Variants in C17orf99 observed in about 807,000 individuals in gnomAD.
C17orf99 encodes the protein protein IL-40.
In C17orf99, 18 loss-of-function variants were observed where a neutral mutation model predicts 22.6. The ratio of observed to expected loss-of-function variants is 0.80; its 90% CI spans 0.55 to 1.18. The LOEUF is 1.18. Among genes scored for constraint, C17orf99 ranks in the 50% most tolerant of loss-of-function variants. C17orf99 has a pLI of 0.00. For synonymous variants in C17orf99, 147 were observed against 136.6 expected (o/e 1.08, Z -0.53); for missense variants, 328 against 342.7 (o/e 0.96, Z 0.34).
intron 4 of C17orf99, chr17:78,164,602 G>C: frequency 6.6e-7 from 1 of 1,520,596 alleles, no homozygotes; most frequent in Non-Finnish European, 8.8e-7. Flanking sequence ...GTGCTGGTTG[G>C]CAGCCTTGCC....
At chr17:78,147,385 C>G (rs2145765686) in intron 2 of C17orf99, among the ~76,000 whole-genome samples, 1 of 152,284 alleles carries the variant, frequency 6.6e-6, no homozygotes, top group Middle Eastern at 3.4e-3. Context: ...AAGGCTCCCC[C>G]AGGGGCCTGA....
In C17orf99 at chr17:78,146,985, G is replaced by A; in HGVS notation, c.70+74G>A. 6 of 1,372,326 alleles carry A rather than the reference G, an allele frequency of 4.4e-6. No individual in the cohort carries two copies. Among genetic ancestry groups the A allele is most frequent in the Admixed American group, 2.0e-5 (1 of 50,718 alleles). 85.0% of individuals were successfully genotyped at this position (1,372,326 alleles called of 1,614,324 possible). A position where few individuals can be genotyped will look rare whatever the true frequency, so the allele number is the denominator to read the frequency against. ...GGTGTCAGAACCCCCATGGTGGAGG[G>A]CGCCTCGGCTGGGAAGGGAGTTACT... On this transcript the variant is annotated intron_variant, in intron 2 of 4. Transcript: ENST00000340363. This position sits in a 1 kb window ranked among gnomAD's most constrained non-coding sequence, Gnocchi z 5.2.
Position 78,160,941 on chromosome 17 carries a change from T to C in C17orf99, c.71-14T>C, listed in dbSNP as rs1214983321. ...CGGTTTCTTTCTTCCTCCTTGGACC[T>C]TTTCATCTCCCAGAAATTACCCCTG... On this transcript the variant is annotated splice_polypyrimidine_tract_variant and intron_variant, in intron 2 of 4. Coordinates refer to ENST00000340363, the MANE Select transcript of C17orf99 (RefSeq NM_001163075.2). 6.5e-7 allele frequency: 1 copy of C among 1,544,258 alleles called. No individual in the cohort carries two copies. The highest frequency in any genetic ancestry group is 1.4e-5 in the African/African-American group (1 of 72,912).
At chr17:78,150,525 G>T (rs2075473765) in intron 2 of C17orf99, among the ~76,000 whole-genome samples, 1 of 152,194 alleles carries the variant, frequency 6.6e-6, no homozygotes, top group Non-Finnish European at 1.5e-5. Flanking sequence ...AGGAGGGATA[G>T]GTGTTGGTAG....
At position 78,146,743 on chromosome 17, in the gene C17orf99, C is replaced by T; in HGVS notation, c.38-136C>T. On this transcript the variant is annotated intron_variant, in intron 1 of 4. Transcript: ENST00000340363. This position sits in a 1 kb window ranked among gnomAD's most constrained non-coding sequence, Gnocchi z 5.2. ...AAAAGAGCTTTTGTGAGTGATGGTG[C>T]CAGCTGAGTCCTGGGGCCTCACTAC... 2.4e-6 allele frequency: 2 copies of T among 824,686 alleles called. No individual in the cohort carries two copies. The highest frequency in any genetic ancestry group is 3.2e-5 in the South Asian group (2 of 62,160). 51.1% of individuals were successfully genotyped at this position (824,686 alleles called of 1,614,324 possible). A position where few individuals can be genotyped will look rare whatever the true frequency, so the allele number is the denominator to read the frequency against.
chr17:78,166,021 G>C lies in C17orf99; in HGVS notation c.773G>C (p.Arg258Thr), dbSNP rs886600615. The change falls in exon 5 of 5, where the codon AGA (arginine) becomes ACA (threonine). Residue 258 changes from arginine to threonine, a missense_variant. Arg to Thr is a moderately conservative substitution (Grantham distance 71). Coordinates refer to ENST00000340363, the MANE Select transcript of C17orf99 (RefSeq NM_001163075.2). ...TTCAGGATAGGGAATGGGGAGGTCA[G>C]AGGACGCAAAGCAGCAGCCATGTAG... Reference protein sequence around the residue: ...GGFRIGNGEVRGRKAAAM With the variant: ...GGFRIGNGEVTGRKAAAM The C allele has an allele frequency of 1.5e-5, 21 of 1,429,746 alleles. No individual in the cohort carries two copies. In the Admixed American group the frequency reaches 5.0e-4, roughly 34 times the overall value. The allele number at this position is 1,429,746 out of a possible 1,614,324, so 88.6% of individuals were successfully genotyped here.
chr17:78,156,487 G>A (rs1020546778), intron 2 of C17orf99, among the ~76,000 whole-genome samples: 2 of 152,070 alleles, frequency 1.3e-5, no homozygotes, highest in African/African-American at 2.4e-5. Context: ...GGCGTAGGTG[G>A]GTGAAGGCCT....
At chr17:78,146,026 G>A (rs184951990), upstream of C17orf99, among the ~76,000 whole-genome samples, 14 of 152,260 alleles carry the variant, frequency 9.2e-5, no homozygotes, top group Admixed American at 2.6e-4. The surrounding 1 kb of genome is among the most constrained non-coding windows in gnomAD (Gnocchi z 5.2). Context: ...GACCTCAGGT[G>A]ATCCGCCCAT....
Position 78,165,921 on chromosome 17 carries a change from C to G in C17orf99, c.673C>G (p.Pro225Ala). 7.0e-7 allele frequency: 1 copy of G among 1,422,904 alleles called. No individual in the cohort carries two copies. Among genetic ancestry groups the G allele is most frequent in the South Asian group, 1.6e-5 (1 of 62,100 alleles). The allele number at this position is 1,422,904 out of a possible 1,614,324, so 88.1% of individuals were successfully genotyped here. ...CCAGAAGATGGAGGACTGGCAGGGTCCCCTGGAGAGCCCCATCCTTGCCTT... is the reference window on the plus strand; with the variant it reads ...CCAGAAGATGGAGGACTGGCAGGGTGCCCTGGAGAGCCCCATCCTTGCCTT... ...GDQKMEDWQG[P>A]LESPILALPL... The change falls in exon 5 of 5, where the codon CCC (proline) becomes GCC (alanine). Residue 225 changes from proline to alanine, a missense_variant. Pro to Ala is a conservative substitution (Grantham distance 27). Transcript: ENST00000340363.
At chr17:78,145,972 G>C (rs1258916155), upstream of C17orf99, among the ~76,000 whole-genome samples, 1 of 151,996 alleles carries the variant, frequency 6.6e-6, no homozygotes, top group Admixed American at 6.6e-5. Flanking sequence ...ATTTTTAGTA[G>C]AGATGGAGTT....
Position 78,161,844 on chromosome 17 carries a change from A to C in C17orf99, c.370+590A>C, listed in dbSNP as rs529534866. Among the ~76,000 whole-genome samples the C allele has an allele frequency of 2.0e-5, 3 of 150,484 alleles. No homozygotes were observed. In the East Asian group the frequency reaches 5.8e-4, roughly 29 times the overall value. ...GGGTAACAGAGCGTCTCCAAAAAAAAAAAAAAGAAAAAGAAACGAAAAAAA... is the reference window on the plus strand; with the variant it reads ...GGGTAACAGAGCGTCTCCAAAAAAACAAAAAAGAAAAAGAAACGAAAAAAA... On this transcript the variant is annotated intron_variant, in intron 3 of 4. Coordinates refer to ENST00000340363, the MANE Select transcript of C17orf99 (RefSeq NM_001163075.2).
rs540561366 is a variant in C17orf99, at chr17:78,160,741, G to A, written c.71-214G>A. 1.5e-4 allele frequency: 83 copies of A among 557,156 alleles called. 1 individual carries two copies. The East Asian group carries it at 1.6e-3, about 11-fold the overall frequency. The allele number at this position is 557,156 out of a possible 1,614,324, so 34.5% of individuals were successfully genotyped here. ...AGGGATTACAGGTGGGCACCACCAC[G>A]CCCGGCTAATTTTTGTATTTTAGTA... On this transcript the variant is annotated intron_variant, in intron 2 of 4. Transcript: ENST00000340363.
intron 3 of C17orf99, 131 bp from the exon 4 acceptor site, chr17:78,163,964 A>G (rs2075597469): frequency 2.6e-6 from 2 of 770,214 alleles, no homozygotes; most frequent in African/African-American, 1.7e-5. Flanking sequence ...GGCAAACTCT[A>G]GAAGGCGGCC....
intron 2 of C17orf99, among the ~76,000 whole-genome samples, chr17:78,154,547 CA>C (rs1191146798): frequency 6.8e-6 from 1 of 147,474 alleles, no homozygotes; most frequent in Non-Finnish European, 1.5e-5. Context: ...GACTTCGTCT[CA>C]AAAAAATAAA....
Position 78,157,416 on chromosome 17 carries a change from C to G in C17orf99, c.71-3539C>G, listed in dbSNP as rs2075535346. ...GAGTTCGTGCGAGTTGGAATCGAAGCCTCTTAAAATGGCAGATGATTTGGA... is the reference window on the plus strand; with the variant it reads ...GAGTTCGTGCGAGTTGGAATCGAAGGCTCTTAAAATGGCAGATGATTTGGA... On this transcript the variant is annotated intron_variant, in intron 2 of 4. Coordinates refer to ENST00000340363, the MANE Select transcript of C17orf99 (RefSeq NM_001163075.2). The G allele has an allele frequency of 3.9e-6, 5 of 1,291,120 alleles. No individual in the cohort carries two copies. In the Admixed American group the frequency reaches 9.3e-5, roughly 24 times the overall value. The allele number at this position is 1,291,120 out of a possible 1,614,324, so 80.0% of individuals were successfully genotyped here.
rs2075442239 is a variant in C17orf99 at position 78,146,956 on chromosome 17, C to T, written c.70+45C>T. 2.6e-6 allele frequency: 4 copies of T among 1,532,700 alleles called. No homozygotes were observed. The highest frequency in any genetic ancestry group is 2.5e-5 in the East Asian group (1 of 40,772). The allele number at this position is 1,532,700 out of a possible 1,614,324, so 94.9% of individuals were successfully genotyped here. Reference sequence around the variant, plus strand: ...GCAGGGAGAAGTCCCCCAGCTGGGACCCTGGTGTCAGAACCCCCATGGTGG... The same window carrying T: ...GCAGGGAGAAGTCCCCCAGCTGGGATCCTGGTGTCAGAACCCCCATGGTGG... On this transcript the variant is annotated intron_variant, in intron 2 of 4. Coordinates refer to ENST00000340363, the MANE Select transcript of C17orf99 (RefSeq NM_001163075.2). The surrounding 1 kb of genome is among the most constrained non-coding windows in gnomAD (Gnocchi z 5.2).
intron 2 of C17orf99, among the ~76,000 whole-genome samples, chr17:78,159,591 C>A (rs367980662): frequency 2.3e-4 from 33 of 140,682 alleles, no homozygotes; most frequent in African/African-American, 2.6e-4. Flanking sequence ...GACTCTGTCT[C>A]AAAAAAAAAA....
At position 78,146,569 on chromosome 17, in the gene C17orf99, C is replaced by G. The variant is rs908553224; in HGVS notation, c.37+125C>G. ...GGAAGGGCACCTCTGGAAACATGGA[C>G]AGAGAGGGAAAGATCTGGGCTTGAG... On this transcript the variant is annotated intron_variant, in intron 1 of 4. Transcript: ENST00000340363. This position sits in a 1 kb window ranked among gnomAD's most constrained non-coding sequence, Gnocchi z 5.2. 1.5e-5 allele frequency: 13 copies of G among 879,260 alleles called. No homozygotes were observed. The highest frequency in any genetic ancestry group is 2.2e-4 in the Middle Eastern group (1 of 4,614). 54.5% of individuals were successfully genotyped at this position (879,260 alleles called of 1,614,324 possible).
chr17:78,154,774 G>A (rs541195505), intron 2 of C17orf99, among the ~76,000 whole-genome samples: 4 of 152,164 alleles, frequency 2.6e-5, no homozygotes, highest in South Asian at 2.1e-4. Context: ...CCTGGGAAGC[G>A]GAGGTTGTGG....
Sources: gnomAD v4.1 joint callset for allele counts (sites outside exome capture counted in the v4.1 genomes callset) on GRCh38, gnomAD v4.1.1 for gene constraint, Gnocchi (gnomAD v3.1) non-coding constraint, MANE v1.5 for transcripts, NCBI Gene and HGNC (gene_info 2026-07-23, HGNC 2026-07-21) for gene names.